Variants in OSBP2 observed in about 807,000 individuals in gnomAD.
OSBP2 encodes the protein oxysterol-binding protein 2.
In OSBP2, 66 loss-of-function variants were observed where a neutral mutation model predicts 96.0. The observed-to-expected ratio is 0.69, with a 90% CI of 0.56 to 0.84. The LOEUF (loss-of-function observed/expected upper bound fraction) is 0.84. Ranked by LOEUF, OSBP2 falls within the 40% of genes least tolerant of loss-of-function variation. The pLI, the probability that OSBP2 is intolerant of heterozygous loss-of-function variation, is 0.00. For missense variants in OSBP2, 1,038 were observed against 1,222.7 expected (o/e 0.85, Z 2.25); for synonymous variants, 525 against 520.9 (o/e 1.01, Z -0.11).
intron 2 of OSBP2, among the ~76,000 whole-genome samples, chr22:30,746,485 C>CAT (rs2090001696): frequency 9.8e-6 from 1 of 101,544 alleles, no homozygotes. Flanking sequence ...GGATGAAACA[C>CAT]TTTTTTTTTT....
chr22:30,876,732 C>T (rs1284094142), intron 3 of OSBP2, among the ~76,000 whole-genome samples: 1 of 152,170 alleles, frequency 6.6e-6, no homozygotes, highest in Non-Finnish European at 1.5e-5. Flanking sequence ...CCATGCATTG[C>T]GTGGCATGCC....
intron 2 of OSBP2, among the ~76,000 whole-genome samples, chr22:30,802,566 C>T (rs745673742): frequency 2.0e-5 from 3 of 152,222 alleles, no homozygotes; most frequent in Non-Finnish European, 4.4e-5. Flanking sequence ...GGGTTCCAGG[C>T]CACGCTCGGG....
intron 2 of OSBP2, among the ~76,000 whole-genome samples, chr22:30,855,066 C>G (rs1409190268): frequency 2.6e-5 from 4 of 152,062 alleles, no homozygotes; most frequent in African/African-American, 9.7e-5. Flanking sequence ...TCTACCTGGC[C>G]CCTCCCACGA....
In OSBP2 at chr22:30,695,567, A is replaced by G; in HGVS notation, c.644+14A>G. On this transcript the variant is annotated intron_variant, in intron 1 of 13. Coordinates refer to ENST00000332585, the MANE Select transcript of OSBP2 (RefSeq NM_030758.4). ...CTCTTACTACAGGTATGGAAGCGCC[A>G]GGGTGGGACATGGGGGTTGGAGGGT... 6.3e-7 allele frequency: 1 copy of G among 1,595,076 alleles called. No homozygotes were observed. Among genetic ancestry groups the G allele is most frequent in the South Asian group, 1.1e-5 (1 of 90,098 alleles).
chr22:30,694,077 A>AG, upstream of OSBP2: 1 of 1,509,102 alleles, frequency 6.6e-7, no homozygotes, highest in Non-Finnish European at 8.8e-7. Flanking sequence ...AGACAGGTAA[A>AG]CCTCTGCGGA....
chr22:30,760,041 T>C (rs1320204833), intron 2 of OSBP2, among the ~76,000 whole-genome samples: 1 of 151,914 alleles, frequency 6.6e-6, no homozygotes, highest in Non-Finnish European at 1.5e-5. Flanking sequence ...TTTTTTTTTG[T>C]ATTTTTAGTA....
At chr22:30,817,257 A>G (rs1421675843) in intron 2 of OSBP2, among the ~76,000 whole-genome samples, 1 of 152,224 alleles carries the variant, frequency 6.6e-6, no homozygotes, top group Non-Finnish European at 1.5e-5. Context: ...AGATAGCCCC[A>G]CAAGGACCAT....
intron 2 of OSBP2, among the ~76,000 whole-genome samples, chr22:30,848,049 T>C (rs1380617776): frequency 6.6e-6 from 1 of 152,208 alleles, no homozygotes; most frequent in East Asian, 1.9e-4. Flanking sequence ...CTTGATCTTT[T>C]TCACTGACTA....
intron 2 of OSBP2, among the ~76,000 whole-genome samples, chr22:30,863,615 G>A (rs1355641757): frequency 3.3e-5 from 5 of 152,200 alleles, no homozygotes; most frequent in African/African-American, 1.2e-4. Context: ...AAGGTCATGG[G>A]CTGGAAAGTT....
chr22:30,715,342 G>A (rs188132635), intron 1 of OSBP2, among the ~76,000 whole-genome samples: 8 of 150,724 alleles, frequency 5.3e-5, no homozygotes, highest in Non-Finnish European at 1.0e-4. Flanking sequence ...TTTCTGTGAT[G>A]ATAAGTGATG....
intron 12 of OSBP2, among the ~76,000 whole-genome samples, chr22:30,899,740 G>A (rs1021220021): frequency 2.6e-5 from 4 of 151,860 alleles, no homozygotes; most frequent in African/African-American, 7.3e-5. Context: ...AATCTAAAAC[G>A]ATATCAGAAA....
At chr22:30,809,657 A>C (rs136253) in intron 2 of OSBP2, among the ~76,000 whole-genome samples, 75,188 of 151,950 alleles carry the variant, frequency 0.49, 19,545 homozygotes, top group African/African-American at 0.66. Context: ...CTTGAACTTG[A>C]CTCTGTTCAT....
chr22:30,887,470 A>C lies in OSBP2; in HGVS notation c.1152A>C (p.Lys384Asn). The C allele has an allele frequency of 6.2e-7, 1 of 1,613,910 alleles. No homozygotes were observed. Among genetic ancestry groups the C allele is most frequent in the Non-Finnish European group, 8.5e-7 (1 of 1,180,018 alleles). Residue 384 changes from lysine to asparagine, a missense_variant, in exon 4 of 14, where the codon AAA (lysine) becomes AAC (asparagine). Physicochemically the swap from Lys to Asn is moderately conservative, Grantham distance 94 (BLOSUM62 0). Coordinates refer to ENST00000332585, the MANE Select transcript of OSBP2 (RefSeq NM_030758.4). ...AACTAGCAGAGATACACAGTCGGAAATGGCAGCGGGCACTGCAGTATGAGC... is the reference window on the plus strand; with the variant it reads ...AACTAGCAGAGATACACAGTCGGAACTGGCAGCGGGCACTGCAGTATGAGC... ...FLELAEIHSR[K>N]WQRALQYEQE...
chr22:30,723,548 G>A (rs971810500), intron 1 of OSBP2, among the ~76,000 whole-genome samples: 1 of 151,892 alleles, frequency 6.6e-6, no homozygotes, highest in South Asian at 2.1e-4. Context: ...AAAGCAGCTA[G>A]GATTACTGGC....
intron 3 of OSBP2, among the ~76,000 whole-genome samples, chr22:30,880,034 A>G (rs1449073923): frequency 6.6e-6 from 1 of 151,804 alleles, no homozygotes; most frequent in African/African-American, 2.4e-5. Flanking sequence ...CCTGGGCAAG[A>G]GCAAGACTCT....
At chr22:30,830,083 T>G (rs141706711) in intron 2 of OSBP2, among the ~76,000 whole-genome samples, 54 of 152,182 alleles carry the variant, frequency 3.5e-4, no homozygotes, top group Admixed American at 6.5e-4. Context: ...CATCAGGGAG[T>G]GTCCTGTAGG....
chr22:30,812,101 A>G (rs752739268), intron 2 of OSBP2, among the ~76,000 whole-genome samples: 1 of 151,134 alleles, frequency 6.6e-6, no homozygotes, highest in Non-Finnish European at 1.5e-5. Flanking sequence ...GAGTCTTCCC[A>G]CTTTGGCCTC....
chr22:30,888,755 C>T (rs1267110594), intron 5 of OSBP2, among the ~76,000 whole-genome samples: 1 of 152,084 alleles, frequency 6.6e-6, no homozygotes, highest in African/African-American at 2.4e-5. Flanking sequence ...CGGTCTTGCT[C>T]CAGATGGGAT....
At chr22:30,707,447 G>T (rs571535291) in intron 1 of OSBP2, among the ~76,000 whole-genome samples, 71 of 152,006 alleles carry the variant, frequency 4.7e-4, no homozygotes, top group Non-Finnish European at 1.3e-4. Flanking sequence ...CAGTGCAGTG[G>T]CTCACACCGG....
Sources: gnomAD v4.1 joint callset for allele counts (sites outside exome capture counted in the v4.1 genomes callset) on GRCh38, gnomAD v4.1.1 for gene constraint, MANE v1.5 for transcripts, NCBI Gene and HGNC (gene_info 2026-07-23, HGNC 2026-07-21) for gene names.